Variants in ARNT2 observed in about 807,000 individuals in gnomAD.
The protein encoded by ARNT2 is aryl hydrocarbon receptor nuclear translocator 2, also known as ARNT protein 2.
ARNT2 carries 36 observed loss-of-function variants against 91.7 expected under a neutral mutation model. The observed-to-expected ratio is 0.39, with a 90% confidence interval of 0.30 to 0.52. The LOEUF (loss-of-function observed/expected upper bound fraction) is 0.52. ARNT2 is among the 20% of genes least tolerant of loss of function. The pLI, the probability that ARNT2 is intolerant of heterozygous loss-of-function variation, is 0.72. For synonymous variants in ARNT2, 365 were observed against 347.1 expected (o/e 1.05, Z -0.57); for missense variants, 775 against 939.3 (o/e 0.83, Z 2.29).
intron 3 of ARNT2, among the ~76,000 whole-genome samples, chr15:80,469,575 T>C (rs1896704781): frequency 6.6e-6 from 1 of 151,528 alleles, no homozygotes; most frequent in African/African-American, 2.4e-5. Flanking sequence ...ATACAACATG[T>C]AAACCACATA....
intron 1 of ARNT2, among the ~76,000 whole-genome samples, chr15:80,431,528 C>T (rs961673361): frequency 1.3e-5 from 2 of 152,198 alleles, no homozygotes; most frequent in African/African-American, 4.8e-5. Flanking sequence ...GTCCTGTCTC[C>T]AAGTCCCGAA....
At chr15:80,521,358 A>G (rs1897542901) in intron 8 of ARNT2, among the ~76,000 whole-genome samples, 1 of 152,214 alleles carries the variant, frequency 6.6e-6, no homozygotes, top group Non-Finnish European at 1.5e-5. Flanking sequence ...GACTATAAAA[A>G]ATTGTGGTAC....
chr15:80,408,084 T>C (rs1035069777), intron 1 of ARNT2, among the ~76,000 whole-genome samples: 2 of 152,230 alleles, frequency 1.3e-5, no homozygotes, highest in African/African-American at 4.8e-5. Flanking sequence ...TTGGATTTTT[T>C]CCCCACTTCC....
At chr15:80,410,796 CT>C (rs368809614) in intron 1 of ARNT2, among the ~76,000 whole-genome samples, 4 of 134,348 alleles carry the variant, frequency 3.0e-5, no homozygotes, top group Admixed American at 8.0e-5. Context: ...ATCTATCTAT[CT>C]ATCTATCTAT....
chr15:80,418,808 C>T (rs768367659), intron 1 of ARNT2, among the ~76,000 whole-genome samples: 20 of 152,236 alleles, frequency 1.3e-4, no homozygotes, highest in Non-Finnish European at 2.2e-4. Context: ...AAGTTTTGTA[C>T]AACACTTTAT....
chr15:80,591,060 A>G lies in ARNT2; in HGVS notation c.1919-508A>G, dbSNP rs777302464. ...GCAGAGGCTGAGGTTGGGAATGCCA[A>G]GATGAGGCTTTTCCTCTAGCAGGGC... On this transcript the variant is annotated intron_variant, in intron 17 of 18. Coordinates refer to ENST00000303329, the MANE Select transcript of ARNT2 (RefSeq NM_014862.4). This position sits in a 1 kb window ranked among gnomAD's most constrained non-coding sequence, Gnocchi z 5.1. Among the ~76,000 whole-genome samples the G allele has an allele frequency of 1.9e-4, 29 of 152,348 alleles. No individual in the cohort carries two copies. Among genetic ancestry groups the G allele is most frequent in the Non-Finnish European group, 2.6e-4 (18 of 68,026 alleles).
At chr15:80,554,912 A>T in intron 10 of ARNT2, 153 bp from the exon 11 acceptor site, 1 of 671,380 alleles carries the variant, frequency 1.5e-6, no homozygotes, top group East Asian at 2.6e-5. Flanking sequence ...GCTCCCAGGG[A>T]AATTTTGCAC....
intron 11 of ARNT2, among the ~76,000 whole-genome samples, chr15:80,558,263 T>TG (rs1231155677): frequency 6.6e-6 from 1 of 151,988 alleles, no homozygotes; most frequent in Non-Finnish European, 1.5e-5. Context: ...TTGGCTTGTT[T>TG]GGGGGGTTGT....
chr15:80,450,762 G>T (rs1473536854), intron 1 of ARNT2, 118 bp from the exon 2 acceptor site: 10 of 960,590 alleles, frequency 1.0e-5, no homozygotes, highest in Non-Finnish European at 1.7e-5. Context: ...GCGGCCGCAG[G>T]ATGCAGGTCC....
intron 1 of ARNT2, among the ~76,000 whole-genome samples, chr15:80,448,306 T>C (rs1247510464): frequency 2.0e-5 from 3 of 152,238 alleles, no homozygotes; most frequent in African/African-American, 4.8e-5. Context: ...AATATTGCTC[T>C]GAAAGTTCTG....
chr15:80,410,593 A>AAGTT (rs1292297497), intron 1 of ARNT2, among the ~76,000 whole-genome samples: 2 of 152,136 alleles, frequency 1.3e-5, no homozygotes, highest in African/African-American at 4.8e-5. Flanking sequence ...TCCTTGGGGT[A>AAGTT]AGTTAGTTCA....
At position 80,462,868 on chromosome 15, in the gene ARNT2, T is replaced by C. The variant is rs114404860; in HGVS notation, c.194+4892T>C. 7.2e-3 allele frequency among the ~76,000 whole-genome samples: 1,099 copies of C among 152,332 alleles called. 15 individuals carry two copies. The highest frequency in any genetic ancestry group is 0.026 in the African/African-American group (1,063 of 41,570). On this transcript the variant is annotated intron_variant, in intron 3 of 18. Transcript: ENST00000303329. ...GCTTCTGCAGAATTGACCTTTTGTT[T>C]CTCATCACGTCCATTTTGGTACTTC...
At chr15:80,532,287 G>A (rs1466040818) in intron 8 of ARNT2, among the ~76,000 whole-genome samples, 1 of 152,066 alleles carries the variant, frequency 6.6e-6, no homozygotes, top group African/African-American at 2.4e-5. Context: ...AGCCTTTGAT[G>A]ACCCCCAAGC....
chr15:80,546,766 C>T (rs537356318), intron 8 of ARNT2, among the ~76,000 whole-genome samples: 113 of 152,118 alleles, frequency 7.4e-4, no homozygotes, highest in African/African-American at 2.6e-3. Flanking sequence ...AGTTCAAGAC[C>T]AGCCTGGCCA....
intron 8 of ARNT2, among the ~76,000 whole-genome samples, chr15:80,522,795 CAT>C (rs1366634339): frequency 2.1e-4 from 27 of 127,216 alleles, no homozygotes; most frequent in African/African-American, 6.0e-4. Flanking sequence ...TTGATATTTA[CAT>C]ATGTGTGTGT....
chr15:80,507,683 A>G (rs1435224895), intron 5 of ARNT2, among the ~76,000 whole-genome samples: 1 of 152,176 alleles, frequency 6.6e-6, no homozygotes, highest in Non-Finnish European at 1.5e-5. Context: ...GGGAGAAAGG[A>G]GCAGAGAGGA....
At chr15:80,516,953 C>G (rs1050564288) in intron 8 of ARNT2, among the ~76,000 whole-genome samples, 2 of 150,022 alleles carry the variant, frequency 1.3e-5, no homozygotes, top group Non-Finnish European at 3.0e-5. Context: ...TACTATTGCT[C>G]TCATTCATGT....
chr15:80,418,773 C>A (rs568607461), intron 1 of ARNT2, among the ~76,000 whole-genome samples: 18 of 152,340 alleles, frequency 1.2e-4, no homozygotes, highest in African/African-American at 4.3e-4. Context: ...CCCTGCTGGG[C>A]CTCAGGCTGA....
intron 8 of ARNT2, among the ~76,000 whole-genome samples, chr15:80,537,640 C>T (rs1424439057): frequency 6.6e-6 from 1 of 152,188 alleles, no homozygotes; most frequent in Non-Finnish European, 1.5e-5. Flanking sequence ...GTACGCCTGC[C>T]ATGCCTGACC....
Sources: allele counts gnomAD v4.1 joint callset (sites outside exome capture counted in the v4.1 genomes callset), GRCh38; gene constraint gnomAD v4.1.1; non-coding constraint Gnocchi (gnomAD v3.1); transcripts MANE v1.5; gene names NCBI Gene and HGNC (gene_info 2026-07-23, HGNC 2026-07-21).